AOPEP: variants seen among roughly 807,000 people sequenced by gnomAD.
AOPEP encodes aminopeptidase O.
A neutral mutation model predicts 98.1 loss-of-function variants in AOPEP; 77 were observed. That is an observed-to-expected ratio of 0.78 (90% CI 0.65 to 0.95). The LOEUF (loss-of-function observed/expected upper bound fraction) is 0.95, where lower values mean the gene tolerates loss of function less well. Among genes scored for constraint, AOPEP ranks in the 40% least tolerant of loss-of-function variants. The pLI is 0.00. For missense variants in AOPEP, 1,024 were observed against 1,024.7 expected, an observed-to-expected ratio of 1.00 and a Z score of 0.01; for synonymous variants, 346 against 365.3, an observed-to-expected ratio of 0.95 and a Z score of 0.60.
At chr9:95,094,015 G>A in the AOPEP span, among the ~76,000 whole-genome samples, 15 of 152,274 alleles carry the variant, frequency 9.9e-5, 1 homozygote, top group South Asian at 2.1e-4. Flanking sequence ...TTGCTTGCAC[G>A]CAGGCTTTTC....
chr9:94,978,378 C>T (rs1364340475), intron 10 of AOPEP, among the ~76,000 whole-genome samples: 5 of 151,494 alleles, frequency 3.3e-5, no homozygotes, highest in African/African-American at 9.7e-5. Context: ...ATTAAATGTG[C>T]GTTCATTCAT....
intron 5 of AOPEP, chr9:94,921,099 C>T (rs759707688): frequency 2.0e-5 from 3 of 147,618 alleles, no homozygotes; most frequent in Non-Finnish European, 3.0e-5. Flanking sequence ...AAGAAAGAAA[C>T]GTTTTTAGGA....
chr9:95,135,558 G>A, the AOPEP span: 1 of 1,544,736 alleles, frequency 6.5e-7, no homozygotes, highest in Admixed American at 1.8e-5. Context: ...GAAAAAAGAA[G>A]ATTAAAAAAA....
At chr9:94,749,845 A>G (rs962612100) in intron 1 of AOPEP, among the ~76,000 whole-genome samples, 4 of 152,190 alleles carry the variant, frequency 2.6e-5, no homozygotes, top group Non-Finnish European at 5.9e-5. Flanking sequence ...ATTTGGGTCC[A>G]TTCAAGTTGG....
At chr9:94,862,167 G>C (rs2045101266) in intron 5 of AOPEP, among the ~76,000 whole-genome samples, 1 of 152,176 alleles carries the variant, frequency 6.6e-6, no homozygotes, top group Admixed American at 6.5e-5. Flanking sequence ...CCTCATCAGA[G>C]TATGTGAGTG....
chr9:94,738,602 C>A (rs1832320436), intron 1 of AOPEP, among the ~76,000 whole-genome samples: 1 of 152,094 alleles, frequency 6.6e-6, no homozygotes, highest in South Asian at 2.1e-4. Flanking sequence ...GAGATGGAGT[C>A]TCGCTCTGTC....
At chr9:94,788,924 A>C (rs1309687493) in intron 3 of AOPEP, among the ~76,000 whole-genome samples, 1 of 152,272 alleles carries the variant, frequency 6.6e-6, no homozygotes, top group Non-Finnish European at 1.5e-5. Context: ...GGGATGGGCA[A>C]ATAGCCCAGG....
intron 5 of AOPEP, among the ~76,000 whole-genome samples, chr9:94,875,211 A>G (rs2046774419): frequency 6.6e-6 from 1 of 152,232 alleles, no homozygotes; most frequent in East Asian, 1.9e-4. Context: ...TTTTCAACCC[A>G]GGGTCCATGT....
chr9:94,885,612 C>T (rs2048151985), intron 5 of AOPEP, among the ~76,000 whole-genome samples: 1 of 151,944 alleles, frequency 6.6e-6, no homozygotes, highest in African/African-American at 2.4e-5. Context: ...GACATGTAGC[C>T]TAACACTTTG....
chr9:95,143,429 G>A, the AOPEP span, among the ~76,000 whole-genome samples: 1 of 152,122 alleles, frequency 6.6e-6, no homozygotes, highest in South Asian at 2.1e-4. Context: ...CCCCCATCCC[G>A]AGGCTATCTG....
intron 14 of AOPEP, among the ~76,000 whole-genome samples, chr9:95,073,394 G>A (rs1461085766): frequency 3.9e-5 from 6 of 152,054 alleles, no homozygotes; most frequent in Non-Finnish European, 8.8e-5. Flanking sequence ...CACACTGTCC[G>A]GGAGTCAAGA....
chr9:94,944,522 T>C (rs558910217), intron 7 of AOPEP, among the ~76,000 whole-genome samples: 1 of 152,340 alleles, frequency 6.6e-6, no homozygotes, highest in South Asian at 2.1e-4. Flanking sequence ...ATGTGAACTG[T>C]CCACAATAGG....
At chr9:94,867,367 A>G (rs2045822744) in intron 5 of AOPEP, among the ~76,000 whole-genome samples, 1 of 152,140 alleles carries the variant, frequency 6.6e-6, no homozygotes, top group Non-Finnish European at 1.5e-5. Flanking sequence ...TGGAATGTCT[A>G]GTCATTTCAG....
At chr9:95,125,086 C>CTGCT in the AOPEP span, 3 of 1,613,680 alleles carry the variant, frequency 1.9e-6, no homozygotes, top group Non-Finnish European at 2.5e-6. Flanking sequence ...TATAACAAAC[C>CTGCT]TGCTTGCTTG....
the AOPEP span, among the ~76,000 whole-genome samples, chr9:95,122,390 A>AT: frequency 2.6e-5 from 4 of 152,200 alleles, no homozygotes; most frequent in Admixed American, 2.6e-4. Context: ...AAAGATGTAG[A>AT]TGGCCATCAG....
the AOPEP span, chr9:95,117,263 AT>A: frequency 6.6e-7 from 1 of 1,525,296 alleles, no homozygotes; most frequent in African/African-American, 1.4e-5. Context: ...TAATTTGACA[AT>A]GCTCTTCCCA....
At position 94,819,095 on chromosome 9, in the gene AOPEP, T is replaced by C. The variant is rs143014456; in HGVS notation, c.1364+18093T>C. Among the ~76,000 whole-genome samples, 108 of 152,390 alleles carry C rather than the reference T, an allele frequency of 7.1e-4. 1 individual carries two copies. The East Asian group carries it at 0.021, about 29-fold the overall frequency. On this transcript the variant is annotated intron_variant, in intron 5 of 16. Transcript: ENST00000375315. ...GGATTAAACTAGACTATCCAAGCCC[T>C]ATTTGCCTGGCTTCCAGCCCTCCTG...
chr9:95,024,390 G>A (rs2133242156), intron 13 of AOPEP, among the ~76,000 whole-genome samples: 1 of 152,346 alleles, frequency 6.6e-6, no homozygotes, highest in South Asian at 2.1e-4. Context: ...TGGCAGCACT[G>A]CCTCCATGAG....
At chr9:94,743,317 A>C (rs1367890737) in intron 1 of AOPEP, among the ~76,000 whole-genome samples, 2 of 152,172 alleles carry the variant, frequency 1.3e-5, no homozygotes, top group Non-Finnish European at 2.9e-5. Context: ...GAGGTGGTGG[A>C]AAGTTAGTGG....
Sources: allele counts gnomAD v4.1 joint callset (sites outside exome capture counted in the v4.1 genomes callset), GRCh38; gene constraint gnomAD v4.1.1; transcripts MANE v1.5; gene names NCBI Gene and HGNC (gene_info 2026-07-23, HGNC 2026-07-21).